The following URB1 variants were observed in gnomAD, a reference collection of about 807,000 sequenced individuals.
URB1 encodes URB1 ribosome biogenesis factor.
URB1 carries 197 observed loss-of-function variants against 242.3 expected under a neutral mutation model. The observed-to-expected ratio is 0.81, with a 90% CI of 0.72 to 0.91. The LOEUF (loss-of-function observed/expected upper bound fraction) is 0.91. Ranked by LOEUF, URB1 falls within the 40% of genes least tolerant of loss-of-function variation. The pLI is 0.00. For missense variants in URB1, 2,721 were observed against 2,860.5 expected, an observed-to-expected ratio of 0.95 and a Z score of 1.11; for synonymous variants, 1,153 against 1,201.8, an observed-to-expected ratio of 0.96 and a Z score of 0.84.
At chr21:32,335,989 G>A (rs1203458848) in intron 28 of URB1, among the ~76,000 whole-genome samples, 1 of 152,156 alleles carries the variant, frequency 6.6e-6, no homozygotes, top group East Asian at 1.9e-4. Flanking sequence ...TCGTTCTGCA[G>A]AAATGGGTAG....
In URB1 at chr21:32,321,787, C is replaced by A. The variant is rs1035228607; in HGVS notation, c.5484+14G>T. 2 of 1,551,146 alleles carry A rather than the reference C, an allele frequency of 1.3e-6. No homozygotes were observed. Among genetic ancestry groups the A allele is most frequent in the Admixed American group, 2.0e-5 (1 of 50,978 alleles). ...GACCTCTCGCTCTCAAATAAGCTTG[C>A]GGAACCCATGTACCTGTGCTGCCTC... On this transcript the variant is annotated intron_variant, in intron 34 of 38. Transcript: ENST00000382751.
chr21:32,317,920 G>A lies in URB1; in HGVS notation c.5793-3C>T, dbSNP rs1193955350. 7.7e-6 allele frequency: 12 copies of A among 1,551,594 alleles called. No individual in the cohort carries two copies. The highest frequency in any genetic ancestry group is 1.0e-5 in the Non-Finnish European group (12 of 1,146,954). ...GCTGGACGGGGGCCAAGGTGGGCCT[G>A]TTTGGGAGTCAATGTTACAGACTGA... is the stretch of plus-strand genomic sequence containing the variant. On this transcript the variant is annotated splice_region_variant and splice_polypyrimidine_tract_variant and intron_variant, in intron 36 of 38. Coordinates refer to ENST00000382751, the MANE Select transcript of URB1 (RefSeq NM_014825.3).
intron 1 of URB1, among the ~76,000 whole-genome samples, chr21:32,387,287 T>C (rs184878479): frequency 7.9e-5 from 12 of 152,264 alleles, no homozygotes; most frequent in Non-Finnish European, 2.9e-5. Context: ...ACCTGTTCTA[T>C]AAAACTGCCT....
chr21:32,336,627 G>A (rs1276221763), intron 28 of URB1, among the ~76,000 whole-genome samples: 1 of 152,016 alleles, frequency 6.6e-6, no homozygotes, highest in Non-Finnish European at 1.5e-5. Flanking sequence ...AGACAGACAT[G>A]TACACCCACA....
intron 12 of URB1, among the ~76,000 whole-genome samples, chr21:32,361,429 T>C (rs896379146): frequency 6.6e-6 from 1 of 152,212 alleles, no homozygotes; most frequent in Non-Finnish European, 1.5e-5. Context: ...GGTCACTCTG[T>C]CTCCCTGTGC....
chr21:32,383,205 C>T (rs2033545771), intron 4 of URB1, among the ~76,000 whole-genome samples: 1 of 152,226 alleles, frequency 6.6e-6, no homozygotes, highest in African/African-American at 2.4e-5. Flanking sequence ...CAGATATCCC[C>T]ATTGTTCAGG....
Position 32,352,605 on chromosome 21 carries a change from T to C in URB1, c.2613+105A>G, listed in dbSNP as rs60789723. On this transcript the variant is annotated intron_variant, in intron 19 of 38. Coordinates refer to ENST00000382751, the MANE Select transcript of URB1 (RefSeq NM_014825.3). The stretch of plus-strand genomic sequence containing the variant: ...GACTTTAGGGTAAGAAATTTCACCC[T>C]GCAGGCTGTCTGGCTACCCAACTGC... The C allele has an allele frequency of 5.4e-4, 741 of 1,373,066 alleles. 3 individuals are homozygous for C. The African/African-American group carries it at 9.7e-3, about 18-fold the overall frequency. The allele number at this position is 1,373,066 out of a possible 1,614,324, so 85.1% of individuals were successfully genotyped here. A position where few individuals can be genotyped will look rare whatever the true frequency, so the allele number is the denominator to read the frequency against.
intron 7 of URB1, among the ~76,000 whole-genome samples, chr21:32,373,043 C>T (rs1020747802): frequency 2.6e-5 from 4 of 152,100 alleles, no homozygotes; most frequent in African/African-American, 9.7e-5. Flanking sequence ...ATTATTATAA[C>T]GTTAACAGGA....
intron 5 of URB1, 38 bp from the exon 6 acceptor site, chr21:32,375,521 A>AT: frequency 8.0e-7 from 1 of 1,253,874 alleles, no homozygotes; most frequent in Non-Finnish European, 1.1e-6. Flanking sequence ...ATTCAAAAAT[A>AT]TTTTGAAAAT....
chr21:32,365,673 T>C (rs977498458), intron 10 of URB1, among the ~76,000 whole-genome samples: 1 of 152,120 alleles, frequency 6.6e-6, no homozygotes, highest in Non-Finnish European at 1.5e-5. Context: ...CACACAGGCC[T>C]CCTCTCTACT....
In URB1 at chr21:32,390,283, A is replaced by C. The variant is rs77129873; in HGVS notation, c.142+2486T>G. Among the ~76,000 whole-genome samples, 915 of 152,328 alleles carry C rather than the reference A, an allele frequency of 6.0e-3. 9 individuals carry two copies. The highest frequency in any genetic ancestry group is 0.021 in the African/African-American group (889 of 41,570). On this transcript the variant is annotated intron_variant, in intron 1 of 38. Coordinates refer to ENST00000382751, the MANE Select transcript of URB1 (RefSeq NM_014825.3). Reference sequence around the variant, plus strand: ...TGAAATATAGATACTACATCTTTTTAACAATTAAACGTGCTCTTTCTTCTG... The same window carrying C: ...TGAAATATAGATACTACATCTTTTTCACAATTAAACGTGCTCTTTCTTCTG...
chr21:32,362,174 A>T (rs1370667930), intron 11 of URB1, among the ~76,000 whole-genome samples, 153 bp from the exon 12 acceptor site: 2 of 151,942 alleles, frequency 1.3e-5, no homozygotes, highest in African/African-American at 4.8e-5. Flanking sequence ...GTGAGAAAAC[A>T]GGCCCAAATC....
At chr21:32,392,203 G>A (rs2033646848) in intron 1 of URB1, among the ~76,000 whole-genome samples, 1 of 152,194 alleles carries the variant, frequency 6.6e-6, no homozygotes, top group African/African-American at 2.4e-5. Context: ...ATTACAAGTA[G>A]TCGCGAAGGG....
chr21:32,370,997 C>T (rs1402256779), intron 8 of URB1, among the ~76,000 whole-genome samples: 2 of 152,130 alleles, frequency 1.3e-5, no homozygotes, highest in Non-Finnish European at 2.9e-5. Flanking sequence ...AATGAACAAG[C>T]AAATAAATAA....
intron 30 of URB1, among the ~76,000 whole-genome samples, chr21:32,328,607 A>G (rs1221271777): frequency 6.6e-6 from 1 of 152,242 alleles, no homozygotes; most frequent in Non-Finnish European, 1.5e-5. Flanking sequence ...AATGGAATAC[A>G]TTTGGGAAAG....
intron 17 of URB1, among the ~76,000 whole-genome samples, chr21:32,354,639 T>A (rs1568822177): frequency 2.0e-5 from 3 of 152,254 alleles, no homozygotes; most frequent in Admixed American, 1.3e-4. Flanking sequence ...CTTAAAACCC[T>A]ACCTGGCACC....
intron 18 of URB1, 103 bp downstream of exon 18, chr21:32,353,830 G>A: frequency 7.2e-7 from 1 of 1,380,532 alleles, no homozygotes; most frequent in East Asian, 2.6e-5. Flanking sequence ...CTATTGCCCT[G>A]GATTCTCAGC....
chr21:32,357,755 T>C (rs1601143570), intron 14 of URB1, 99 bp from the exon 15 acceptor site: 2 of 1,007,300 alleles, frequency 2.0e-6, no homozygotes, highest in South Asian at 4.2e-5. Context: ...GGGCCAGGCG[T>C]GGTGGCTTAC....
At chr21:32,324,643 G>C in intron 31 of URB1, 41 bp from the exon 32 acceptor site, 1 of 1,452,084 alleles carries the variant, frequency 6.9e-7, no homozygotes, top group Admixed American at 2.0e-5. Context: ...AGATGAGCGT[G>C]TTCAGAGCTA....
Sources: allele counts gnomAD v4.1 joint callset (sites outside exome capture counted in the v4.1 genomes callset), GRCh38; gene constraint gnomAD v4.1.1; transcripts MANE v1.5; gene names NCBI Gene and HGNC (gene_info 2026-07-23, HGNC 2026-07-21).